TTN: variants seen among roughly 807,000 people sequenced by gnomAD.
TTN encodes the protein titin.
TTN carries 1,525 observed loss-of-function variants against 3,223.0 expected under a neutral mutation model. The ratio of observed to expected loss-of-function variants is 0.47; its 90% confidence interval spans 0.45 to 0.49. The LOEUF (loss-of-function observed/expected upper bound fraction) is 0.49, where lower values mean the gene tolerates loss of function less well. TTN is among the 20% of genes least tolerant of loss of function. TTN has a pLI of 0.00. For synonymous variants in TTN, 14,094 were observed against 15,161.0 expected, an observed-to-expected ratio of 0.93 and a Z score of 5.17; for missense variants, 40,786 against 43,424.0, an observed-to-expected ratio of 0.94 and a Z score of 5.40.
chr2:178,648,410 CTTT>C (rs758890400), intron 213 of TTN, among the ~76,000 whole-genome samples: 3 of 151,742 alleles, frequency 2.0e-5, no homozygotes, highest in Non-Finnish European at 4.4e-5. Context: ...TCCTCAATTT[CTTT>C]TTTTTAATTT....
Position 178,664,693 on chromosome 2 carries a change from C to T in TTN, c.36163G>A (p.Val12055Met). Residue 12055 changes from valine (V) to methionine (M), a missense_variant, in exon 167 of 363, where the codon GTG becomes ATG. Val to Met is a conservative substitution (Grantham distance 21). Transcript: ENST00000589042. Reference sequence around the variant, plus strand: ...ACTTCAGGCTTTCTGAGAGGAACCACAAGCGTTTTCTTTTCAGGGACAATT... The same window carrying T: ...ACTTCAGGCTTTCTGAGAGGAACCATAAGCGTTTTCTTTTCAGGGACAATT... ...QEIVPEKKTL[V>M]VPLRKPEVLP... The T allele has an allele frequency of 1.2e-6, 2 of 1,612,528 alleles. No homozygotes were observed. Among genetic ancestry groups the T allele is most frequent in the Non-Finnish European group, 1.7e-6 (2 of 1,179,708 alleles).
At chr2:178,750,490 A>T (rs753597700) in intron 47 of TTN, 1 of 1,612,952 alleles carries the variant, frequency 6.2e-7, no homozygotes, top group Admixed American at 1.7e-5. Flanking sequence ...TAGGTTGAGG[A>T]TATCCTTGAA....
intron 213 of TTN, among the ~76,000 whole-genome samples, chr2:178,647,799 CTCTT>C (rs1407686081): frequency 3.9e-5 from 6 of 152,250 alleles, no homozygotes; most frequent in Admixed American, 3.3e-4. Flanking sequence ...TAGGCCTGAT[CTCTT>C]TCTTAAGCTC....
rs769564228 is a variant in TTN, at chr2:178,633,634, G to A, written c.42725C>T (p.Ala14242Val). 5.6e-6 allele frequency: 9 copies of A among 1,612,814 alleles called. No individual in the cohort carries two copies. Among genetic ancestry groups the A allele is most frequent in the Non-Finnish European group, 6.8e-6 (8 of 1,179,498 alleles). The change falls in exon 232 of 363, where the codon GCA becomes GTA. Residue 14242 changes from alanine to valine, a missense_variant. Ala to Val is a moderately conservative substitution (Grantham distance 64). Coordinates refer to ENST00000589042, the MANE Select transcript of TTN (RefSeq NM_001267550.2). ...CAAAGTAATCTCATCCTTCTCCACT[G>A]CAGTTTTGTCATGTAATTTCACAGT... is the stretch of plus-strand genomic sequence containing the variant. The part of the protein sequence containing the change: ...YFTVKLHDKT[A>V]VEKDEITLKC...
intron 284 of TTN, 29 bp downstream of exon 284, chr2:178,601,973 A>G (rs751924055): frequency 6.2e-7 from 1 of 1,612,668 alleles, no homozygotes; most frequent in Admixed American, 1.7e-5. Context: ...GATTCAGTGG[A>G]AAAAAGAGGA....
Position 178,550,020 on chromosome 2 carries a change from A to T in TTN, c.91818T>A (p.Gly30606=). 3 of 1,610,948 alleles carry T rather than the reference A, an allele frequency of 1.9e-6. No homozygotes were observed. Among genetic ancestry groups the T allele is most frequent in the Non-Finnish European group, 2.5e-6 (3 of 1,177,620 alleles). Residue 30606 remains glycine (G), a synonymous_variant, in exon 337 of 363, where the codon GGT becomes GGA. Transcript: ENST00000589042. The part of the protein sequence containing the change: ...VYTVEAKNAS[G]SAKAEIKVKV... ...TCACTTTAATTTCTGCTTTTGCAGA[A>T]CCAGATGCATTTTTGGCTTCCACTG...
At position 178,572,816 on chromosome 2, in the gene TTN, G is replaced by A. The variant is rs750110781; in HGVS notation, c.73316C>T (p.Thr24439Ile). 4 of 1,613,302 alleles carry A rather than the reference G, an allele frequency of 2.5e-6. No individual in the cohort carries two copies. The African/African-American group carries it at 4.0e-5, about 16-fold the overall frequency. The stretch of plus-strand genomic sequence containing the variant: ...TCTCAGGGTGCAGCAGGCCCTTATA[G>A]TAACAACTTTGCGCAGGTCAGCATC... ...ELDADLRKVV[T>I]IRACCTLRLF... is the part of the protein sequence containing the mutation. Residue 24439 changes from threonine to isoleucine, a missense_variant, in exon 326 of 363, where the codon ACT becomes ATT. Transcript: ENST00000589042.
Position 178,593,338 on chromosome 2 carries a change from G to A in TTN, c.58870C>T (p.Arg19624Ter), listed in dbSNP as rs1553649171. ...ILEKRETMSK[R>*]WARVTKDPIH... ...GGATCTTTGGTAACTCTAGCCCATC[G>A]TTTAGACATAGTTTCTCTCTTTTCC... Residue 19624 changes from arginine to a stop codon, truncating the protein, a stop_gained, in exon 299 of 363, where the codon CGA becomes TGA. Transcript: ENST00000589042. LOFTEE classifies it high-confidence loss of function. 3.7e-6 allele frequency: 6 copies of A among 1,613,302 alleles called. No individual in the cohort carries two copies. Among genetic ancestry groups the A allele is most frequent in the South Asian group, 1.1e-5 (1 of 91,054 alleles).
chr2:178,769,072 T>TA, intron 37 of TTN, 139 bp from the exon 38 acceptor site: 1 of 965,840 alleles, frequency 1.0e-6, no homozygotes, highest in Admixed American at 2.1e-5. Context: ...TAAGCTTTGA[T>TA]ACCTTCCATG....
intron 118 of TTN, 51 bp downstream of exon 118, chr2:178,693,871 T>C (rs1441068612): frequency 2.6e-6 from 4 of 1,515,728 alleles, no homozygotes; most frequent in Non-Finnish European, 3.6e-6. Context: ...GGGATAAAAA[T>C]CTGCCTAAAA....
rs568193318 is a variant in TTN at position 178,575,149 on chromosome 2, C to T, written c.70983G>A (p.Pro23661=). The change falls in exon 326 of 363, where the codon CCG becomes CCA. Residue 23661 remains proline (P), a synonymous_variant. Coordinates refer to ENST00000589042, the MANE Select transcript of TTN (RefSeq NM_001267550.2). This position sits in a 1 kb window ranked among gnomAD's most constrained non-coding sequence, Gnocchi z 4.0. ...IKVEIPVLGR[P]KPTVTWKKGD... Reference sequence around the variant, plus strand: ...CTTTTTTCCATGTCACTGTGGGCTTCGGTCGACCGAGCACTGGAATTTCAA... The same window carrying T: ...CTTTTTTCCATGTCACTGTGGGCTTTGGTCGACCGAGCACTGGAATTTCAA... The T allele has an allele frequency of 3.7e-5, 59 of 1,612,692 alleles. No homozygotes were observed. The highest frequency in any genetic ancestry group is 7.7e-5 in the South Asian group (7 of 90,970).
In TTN at chr2:178,593,002, T is replaced by A; in HGVS notation, c.59117A>T (p.His19706Leu). The change falls in exon 300 of 363, where the codon CAT becomes CTT. Residue 19706 changes from histidine (H) to leucine (L), a missense_variant. Physicochemically the swap from His to Leu is moderately conservative, Grantham distance 99. Coordinates refer to ENST00000589042, the MANE Select transcript of TTN (RefSeq NM_001267550.2). The part of the protein sequence containing the change: ...SVDLTWQPPR[H>L]DGGSKILGYI... ...ACCCAGAATCTTGCTCCCACCATCA[T>A]GACGTGGTGGCTGCCAAGTTAGATC... The A allele has an allele frequency of 6.2e-7, 1 of 1,613,498 alleles. No homozygotes were observed. Among genetic ancestry groups the A allele is most frequent in the Non-Finnish European group, 8.5e-7 (1 of 1,179,616 alleles).
In TTN at chr2:178,740,185, C is replaced by T. The variant is rs781206839; in HGVS notation, c.13048G>A (p.Val4350Met). The change falls in exon 48 of 363, where the codon GTG becomes ATG. Residue 4350 changes from valine to methionine, a missense_variant. Physicochemically the swap from Val to Met is conservative, Grantham distance 21 (BLOSUM62 1). Coordinates refer to ENST00000589042, the MANE Select transcript of TTN (RefSeq NM_001267550.2). ...LLKEEHSDNV[V>M]MPPDQIIESK... ...TCAATGATTTGGTCTGGGGGCATCA[C>T]CACGTTGTCAGAATGCTCTTCTTTG... 2.6e-5 allele frequency: 42 copies of T among 1,613,370 alleles called. No homozygotes were observed. The highest frequency in any genetic ancestry group is 1.6e-4 in the Middle Eastern group (1 of 6,076).
intron 41 of TTN, 114 bp downstream of exon 41, chr2:178,766,267 T>G (rs2090394642): frequency 1.2e-6 from 1 of 862,706 alleles, no homozygotes; most frequent in Non-Finnish European, 1.9e-6. Flanking sequence ...TGGAACCACA[T>G]GAATACCATA....
rs2058077505 is a variant in TTN at position 178,620,318 on chromosome 2, T to C, written c.46203A>G (p.Thr15401=). 1 of 1,587,170 alleles carries C rather than the reference T, an allele frequency of 6.3e-7. No individual in the cohort carries two copies. The highest frequency in any genetic ancestry group is 8.6e-7 in the Non-Finnish European group (1 of 1,165,632). Residue 15401 remains threonine, a synonymous_variant, in exon 248 of 363, where the codon ACA becomes ACG. Coordinates refer to ENST00000589042, the MANE Select transcript of TTN (RefSeq NM_001267550.2). ...AGACAGCGTCATCGAACTCAGTGAC[T>C]GTCTGATCTTCCAAGTGTTCCACAA... ...TEFVEHLEDQ[T]VTEFDDAVFS... is the part of the protein sequence containing the mutation.
rs992729815 is a variant in TTN at position 178,620,763 on chromosome 2, T to G, written c.45847A>C (p.Asn15283His). The G allele has an allele frequency of 1.2e-6, 2 of 1,612,692 alleles. No homozygotes were observed. Among genetic ancestry groups the G allele is most frequent in the Non-Finnish European group, 1.7e-6 (2 of 1,179,138 alleles). Residue 15283 changes from asparagine (N) to histidine (H), a missense_variant, in exon 247 of 363, where the codon AAT becomes CAT. By Grantham distance (68) the Asn-to-His change is moderately conservative (BLOSUM62 1). Transcript: ENST00000589042. ...DQANYNVSLT[N>H]HRGENVKSAA... The stretch of plus-strand genomic sequence containing the variant: ...CTTTTAACATTTTCACCTCTGTGAT[T>G]GGTCAAAGACACATTATAGTTGGCT...
Position 178,563,084 on chromosome 2 carries a change from T to C in TTN, c.83048A>G (p.Lys27683Arg), listed in dbSNP as rs1198736450. The C allele has an allele frequency of 6.2e-7, 1 of 1,613,730 alleles. No homozygotes were observed. Among genetic ancestry groups the C allele is most frequent in the South Asian group, 1.1e-5 (1 of 91,086 alleles). ...PEIELDADLR[K>R]VVVLRASATL... ...AGCACTTGCACGCAGAACGACCACC[T>C]TTCTGAGATCAGCATCGAGTTCTAT... Residue 27683 changes from lysine (K) to arginine (R), a missense_variant, in exon 326 of 363, where the codon AAG becomes AGG. Lys to Arg is a conservative substitution (Grantham distance 26). Coordinates refer to ENST00000589042, the MANE Select transcript of TTN (RefSeq NM_001267550.2). The surrounding 1 kb of genome is among the most constrained non-coding windows in gnomAD (Gnocchi z 4.5).
Position 178,550,162 on chromosome 2 carries a change from G to A in TTN, c.91676C>T (p.Thr30559Ile), listed in dbSNP as rs1204855591. 1 of 1,613,556 alleles carries A rather than the reference G, an allele frequency of 6.2e-7. No homozygotes were observed. Among genetic ancestry groups the A allele is most frequent in the Non-Finnish European group, 8.5e-7 (1 of 1,179,732 alleles). ...GATTTCCACTCCATCTTTGAACCAA[G>A]TTACTCGAGGCACTGGTCTTCCTTG... Reference protein sequence around the residue: ...LVQGRPVPRVTWFKDGVEIEK... With the variant: ...LVQGRPVPRVIWFKDGVEIEK... The change falls in exon 337 of 363, where the codon ACT (threonine) becomes ATT (isoleucine). Residue 30559 changes from threonine to isoleucine, a missense_variant. Transcript: ENST00000589042.
rs748430359 is a variant in TTN, at chr2:178,589,728, A to G, written c.61997T>C (p.Ile20666Thr). Residue 20666 changes from isoleucine to threonine, a missense_variant, in exon 304 of 363, where the codon ATT becomes ACT. By Grantham distance (89) the Ile-to-Thr change is moderately conservative. Transcript: ENST00000589042. The stretch of plus-strand genomic sequence containing the variant: ...GTTTTCAGGCTCACCTGGTCTGTCA[A>G]TAGGGTTAATAGCCAGAATGGGAGT... ...TKTPILAINP[I>T]DRPGEPENLH... 5.3e-5 allele frequency: 86 copies of G among 1,613,424 alleles called. 1 individual carries two copies. The East Asian group carries it at 1.4e-3, about 27-fold the overall frequency.
Sources: allele counts gnomAD v4.1 joint callset (sites outside exome capture counted in the v4.1 genomes callset), GRCh38; gene constraint gnomAD v4.1.1; non-coding constraint Gnocchi (gnomAD v3.1); transcripts MANE v1.5; gene names NCBI Gene and HGNC (gene_info 2026-07-23, HGNC 2026-07-21).